The following GPC5 variants were observed in gnomAD, a reference collection of about 807,000 sequenced individuals.
GPC5 encodes glypican-5.
A neutral mutation model predicts 53.9 loss-of-function variants in GPC5; 47 were observed. That is an observed-to-expected ratio of 0.87 (90% confidence interval 0.69 to 1.11). GPC5 has a LOEUF of 1.11. Ranked by LOEUF, GPC5 falls within the 50% of genes most tolerant of loss-of-function variation. The probability of loss-of-function intolerance (pLI) is 0.00; values close to 1 mark genes in which losing one functional copy is unlikely to be tolerated. For missense variants in GPC5, 748 were observed against 713.1 expected, an observed-to-expected ratio of 1.05 and a Z score of -0.56; for synonymous variants, 286 against 263.3, an observed-to-expected ratio of 1.09 and a Z score of -0.84.
intron 3 of GPC5, among the ~76,000 whole-genome samples, chr13:91,704,699 T>C (rs1304888190): frequency 6.6e-6 from 1 of 152,234 alleles, no homozygotes; most frequent in African/African-American, 2.4e-5. Flanking sequence ...TTTCTCCATG[T>C]CTTGACCACA....
At chr13:92,060,369 A>G (rs1259440605) in intron 6 of GPC5, among the ~76,000 whole-genome samples, 1 of 152,084 alleles carries the variant, frequency 6.6e-6, no homozygotes, top group Non-Finnish European at 1.5e-5. Flanking sequence ...AAATTATTTC[A>G]TTTATTTTTC....
At chr13:92,161,956 CAT>C (rs55867004) in intron 7 of GPC5, among the ~76,000 whole-genome samples, 2,978 of 95,812 alleles carry the variant, frequency 0.031, 28 homozygotes, top group Admixed American at 0.041. Context: ...AATATATAGC[CAT>C]ATATATATAT....
intron 7 of GPC5, among the ~76,000 whole-genome samples, chr13:92,170,754 A>G (rs1214082294): frequency 6.6e-6 from 1 of 152,040 alleles, no homozygotes; most frequent in Non-Finnish European, 1.5e-5. Context: ...TAGACTATTT[A>G]ACTACCAACT....
At chr13:92,671,166 G>C (rs1201421191) in intron 7 of GPC5, among the ~76,000 whole-genome samples, 1 of 152,084 alleles carries the variant, frequency 6.6e-6, no homozygotes, top group African/African-American at 2.4e-5. Context: ...TTTCTGTCCT[G>C]TGCATGTGAC....
intron 7 of GPC5, among the ~76,000 whole-genome samples, chr13:92,513,510 T>C (rs1201067760): frequency 6.8e-6 from 1 of 147,658 alleles, no homozygotes; most frequent in African/African-American, 2.5e-5. Context: ...ACATCTTTCT[T>C]TCTCTCTCTC....
At chr13:92,805,434 T>A (rs1286013826) in intron 7 of GPC5, among the ~76,000 whole-genome samples, 1 of 151,998 alleles carries the variant, frequency 6.6e-6, no homozygotes, top group African/African-American at 2.4e-5. Flanking sequence ...GAAAGAGATC[T>A]TTTTAAAATT....
chr13:91,917,103 C>T (rs977198835), intron 6 of GPC5, among the ~76,000 whole-genome samples: 24 of 152,168 alleles, frequency 1.6e-4, no homozygotes, highest in African/African-American at 5.6e-4. Flanking sequence ...AGGCAAGTCC[C>T]TTCCACGTAT....
intron 2 of GPC5, among the ~76,000 whole-genome samples, chr13:91,564,140 T>C (rs2031420987): frequency 1.3e-5 from 2 of 152,304 alleles, no homozygotes; most frequent in South Asian, 2.1e-4. Context: ...ACGAAACATG[T>C]GTCCTTTTGG....
intron 7 of GPC5, among the ~76,000 whole-genome samples, chr13:92,315,334 T>C (rs1244063685): frequency 6.6e-6 from 1 of 152,124 alleles, no homozygotes; most frequent in Non-Finnish European, 1.5e-5. Context: ...TCAATCATCT[T>C]CTGTTTTCAG....
intron 2 of GPC5, among the ~76,000 whole-genome samples, chr13:91,633,757 C>T (rs1047505600): frequency 6.6e-6 from 1 of 152,088 alleles, no homozygotes; most frequent in Non-Finnish European, 1.5e-5. Context: ...TCTTCCTTTC[C>T]TTGGGCTACA....
intron 7 of GPC5, among the ~76,000 whole-genome samples, chr13:92,709,783 T>G (rs185077457): frequency 7.1e-4 from 108 of 152,332 alleles, no homozygotes; most frequent in Non-Finnish European, 1.2e-3. Flanking sequence ...TGTATACTTC[T>G]TTCTAAAGGA....
At chr13:91,592,667 T>G (rs1375366806) in intron 2 of GPC5, among the ~76,000 whole-genome samples, 1 of 152,182 alleles carries the variant, frequency 6.6e-6, no homozygotes. Context: ...GGTGCTAGGA[T>G]TTTCTTGCTG....
intron 7 of GPC5, among the ~76,000 whole-genome samples, chr13:92,428,471 C>T (rs1403323935): frequency 6.6e-6 from 1 of 152,082 alleles, no homozygotes; most frequent in Non-Finnish European, 1.5e-5. Context: ...TTTTTCAGTA[C>T]TGTTACACTA....
intron 2 of GPC5, among the ~76,000 whole-genome samples, chr13:91,692,912 G>A (rs1274661670): frequency 6.6e-6 from 1 of 152,194 alleles, no homozygotes; most frequent in Non-Finnish European, 1.5e-5. Flanking sequence ...CCAAAGTGCT[G>A]GAATTACAGG....
intron 7 of GPC5, among the ~76,000 whole-genome samples, chr13:92,397,601 A>G (rs1361969535): frequency 6.6e-6 from 1 of 152,196 alleles, no homozygotes; most frequent in Non-Finnish European, 1.5e-5. Flanking sequence ...AATTCCGTGA[A>G]TCTGCCTCTC....
intron 3 of GPC5, among the ~76,000 whole-genome samples, chr13:91,717,714 G>A (rs1162408315): frequency 6.6e-6 from 1 of 151,990 alleles, no homozygotes; most frequent in Non-Finnish European, 1.5e-5. Context: ...CTGCCATCAT[G>A]CCCGGCTAAT....
intron 7 of GPC5, among the ~76,000 whole-genome samples, chr13:92,363,432 C>T (rs767058103): frequency 5.4e-4 from 82 of 151,770 alleles, no homozygotes; most frequent in Admixed American, 2.4e-3. Context: ...TGTTCCACCT[C>T]AGATCGTCAG....
intron 7 of GPC5, among the ~76,000 whole-genome samples, chr13:92,539,439 CAT>C (rs748766909): frequency 2.2e-4 from 33 of 152,054 alleles, no homozygotes; most frequent in Non-Finnish European, 3.2e-4. Context: ...AGCATTTTTT[CAT>C]ATGTTTGTTG....
At chr13:92,258,884 A>G (rs2042745401) in intron 7 of GPC5, among the ~76,000 whole-genome samples, 1 of 152,186 alleles carries the variant, frequency 6.6e-6, no homozygotes, top group Non-Finnish European at 1.5e-5. Context: ...TGAAGGCTGC[A>G]GTGTACTATG....
Sources: allele counts gnomAD v4.1 joint callset (sites outside exome capture counted in the v4.1 genomes callset), GRCh38; gene constraint gnomAD v4.1.1; transcripts MANE v1.5; gene names NCBI Gene and HGNC (gene_info 2026-07-23, HGNC 2026-07-21).